The following RFPL1 variants were observed in gnomAD, a reference collection of about 807,000 sequenced individuals.
RFPL1 encodes ret finger protein like 1.
RFPL1 carries 6 observed loss-of-function variants against 9.6 expected under a neutral mutation model. The observed-to-expected ratio is 0.62, with a 90% CI of 0.34 to 1.23. The LOEUF is 1.23. Among genes scored for constraint, RFPL1 ranks in the 50% most tolerant of loss-of-function variants. RFPL1 has a pLI of 0.03. For synonymous variants in RFPL1, 145 were observed against 149.4 expected (o/e 0.97, Z 0.22); for missense variants, 352 against 398.4 (o/e 0.88, Z 0.99).
At chr22:29,420,633 GCTTT>G in the RFPL1 span, among the ~76,000 whole-genome samples, 1 of 20,394 alleles carries the variant, frequency 4.9e-5, no homozygotes, top group Non-Finnish European at 8.7e-5. Flanking sequence ...ATGGTTTTTT[GCTTT>G]TTTTTTTTTT....
At chr22:29,400,759 T>C in the RFPL1 span, among the ~76,000 whole-genome samples, 1 of 152,250 alleles carries the variant, frequency 6.6e-6, no homozygotes, top group Non-Finnish European at 1.5e-5. Flanking sequence ...TCCCCACTGC[T>C]GACGCTCAGC....
At chr22:29,418,212 G>A in the RFPL1 span, among the ~76,000 whole-genome samples, 1 of 152,080 alleles carries the variant, frequency 6.6e-6, no homozygotes, top group African/African-American at 2.4e-5. Flanking sequence ...ACAGGTGTGA[G>A]CCACCGCACC....
chr22:29,438,657 C>T (rs2062821052), exon 1 of RFPL1: 1 of 1,516,176 alleles, frequency 6.6e-7, no homozygotes, highest in Admixed American at 2.1e-5. Context: ...GTTCAGAGCA[C>T]AGTGATGATT....
At chr22:29,388,619 A>C in the RFPL1 span, 1 of 152,292 alleles carries the variant, frequency 6.6e-6, no homozygotes, top group Non-Finnish European at 1.5e-5. Context: ...AGGCGGGGTC[A>C]AGGGTACAAC....
chr22:29,399,260 CA>C, the RFPL1 span, among the ~76,000 whole-genome samples: 105,003 of 146,726 alleles, frequency 0.72, 37,126 homozygotes, highest in South Asian at 0.86. Flanking sequence ...GAATTCCCCT[CA>C]AAAAAAAAAA....
chr22:29,417,125 G>T, the RFPL1 span, among the ~76,000 whole-genome samples: 1 of 152,074 alleles, frequency 6.6e-6, no homozygotes, highest in Admixed American at 6.5e-5. Context: ...GACGCACCAG[G>T]AAGAATGGGG....
chr22:29,424,124 G>A, the RFPL1 span, among the ~76,000 whole-genome samples: 4 of 152,014 alleles, frequency 2.6e-5, no homozygotes, highest in South Asian at 2.1e-4. Context: ...AGGCTGCAGT[G>A]AGCCAAGATA....
the RFPL1 span, among the ~76,000 whole-genome samples, chr22:29,404,761 T>C: frequency 6.6e-6 from 1 of 152,132 alleles, no homozygotes; most frequent in African/African-American, 2.4e-5. Flanking sequence ...GGGTCTTGCT[T>C]TGTCACCCAG....
chr22:29,432,840 A>C, the RFPL1 span: 3 of 152,230 alleles, frequency 2.0e-5, no homozygotes, highest in Non-Finnish European at 4.4e-5. Flanking sequence ...TATAGCAGGC[A>C]CTGATATGTC....
the RFPL1 span, among the ~76,000 whole-genome samples, chr22:29,425,253 G>A: frequency 6.6e-6 from 1 of 151,830 alleles, no homozygotes; most frequent in African/African-American, 2.4e-5. Flanking sequence ...AATAAAATAG[G>A]CATTTGAATG....
chr22:29,432,137 C>T, the RFPL1 span, among the ~76,000 whole-genome samples: 112 of 152,308 alleles, frequency 7.4e-4, 1 homozygote, highest in East Asian at 0.017. Flanking sequence ...GGATTCCATT[C>T]GGCTCCTTCA....
At chr22:29,421,751 C>G in the RFPL1 span, among the ~76,000 whole-genome samples, 1 of 151,088 alleles carries the variant, frequency 6.6e-6, no homozygotes, top group Non-Finnish European at 1.5e-5. Context: ...CCTTCCTATC[C>G]CCCATCGATC....
chr22:29,426,776 G>C, the RFPL1 span, among the ~76,000 whole-genome samples: 1 of 152,094 alleles, frequency 6.6e-6, no homozygotes, highest in Non-Finnish European at 1.5e-5. Flanking sequence ...GATTGTGGGT[G>C]GGTCAACATT....
At chr22:29,427,510 A>G in the RFPL1 span, among the ~76,000 whole-genome samples, 3 of 152,230 alleles carry the variant, frequency 2.0e-5, no homozygotes, top group African/African-American at 7.2e-5. Context: ...ATGGATGCCC[A>G]TTCTGTGCTG....
At chr22:29,390,140 T>C in the RFPL1 span, among the ~76,000 whole-genome samples, 1 of 152,226 alleles carries the variant, frequency 6.6e-6, no homozygotes, top group Non-Finnish European at 1.5e-5. Context: ...CCCAAAATAG[T>C]AAATACATTT....
exon 1 of RFPL1, chr22:29,438,657 C>G: frequency 1.3e-6 from 2 of 1,516,294 alleles, no homozygotes; most frequent in South Asian, 2.6e-5. Context: ...GTTCAGAGCA[C>G]AGTGATGATT....
At chr22:29,392,708 G>A in the RFPL1 span, among the ~76,000 whole-genome samples, 4 of 152,188 alleles carry the variant, frequency 2.6e-5, no homozygotes, top group Non-Finnish European at 2.9e-5. Flanking sequence ...AGGAACTGCA[G>A]AACAACAGTG....
the RFPL1 span, among the ~76,000 whole-genome samples, chr22:29,410,372 C>CTATATATAGATATATATATTGTAGATATA: frequency 4.6e-4 from 27 of 59,258 alleles, no homozygotes; most frequent in African/African-American, 7.1e-4. Flanking sequence ...ATATATATAT[C>CTATATATAGATATATATATTGTAGATATA]TATATATATA....
At chr22:29,410,035 G>T in the RFPL1 span, among the ~76,000 whole-genome samples, 1 of 151,342 alleles carries the variant, frequency 6.6e-6, no homozygotes. Context: ...CACAAGCATC[G>T]TCTATGCTTC....
Sources: gnomAD v4.1 joint callset for allele counts (sites outside exome capture counted in the v4.1 genomes callset) on GRCh38, gnomAD v4.1.1 for gene constraint, MANE v1.5 for transcripts, NCBI Gene and HGNC (gene_info 2026-07-23, HGNC 2026-07-21) for gene names.